The following SNX6 variants were observed in gnomAD, a reference collection of about 807,000 sequenced individuals.
SNX6 encodes sorting nexin 6.
SNX6 carries 34 observed loss-of-function variants against 63.0 expected under a neutral mutation model. That is an observed-to-expected ratio of 0.54 (90% CI 0.41 to 0.72). The LOEUF (loss-of-function observed/expected upper bound fraction) is 0.72, where lower values mean the gene tolerates loss of function less well. SNX6 is among the 30% of genes least tolerant of loss of function. The pLI is 0.00. For synonymous variants in SNX6, 170 were observed against 164.2 expected (o/e 1.04, Z -0.27); for missense variants, 398 against 471.4 (o/e 0.84, Z 1.44).
Position 34,567,987 on chromosome 14 carries a change from T to G in SNX6, c.948A>C (p.Ser316=). 6.2e-7 allele frequency: 1 copy of G among 1,611,980 alleles called. No individual in the cohort carries two copies. Among genetic ancestry groups the G allele is most frequent in the Non-Finnish European group, 8.5e-7 (1 of 1,179,914 alleles). The change falls in exon 12 of 14, where the codon TCA becomes TCC. Residue 316 remains serine (S), a synonymous_variant. Transcript: ENST00000362031. ...TATTAGCATTTTCATAATCCACTAG[T>G]GACCTAGACCTTCGATACAGGAGAT... ...AKDLLYRRSR[S]LVDYENANKA...
intron 2 of SNX6, chr14:34,629,433 T>G (rs781731833): frequency 8.5e-5 from 39 of 457,466 alleles, no homozygotes; most frequent in South Asian, 5.4e-4. Context: ...TAAAAATCCT[T>G]GCAAAATGGT....
rs936906980 is a variant in SNX6, at chr14:34,602,333, G to C, written c.516+1015C>G. On this transcript the variant is annotated intron_variant, in intron 6 of 13. Coordinates refer to ENST00000362031, the MANE Select transcript of SNX6 (RefSeq NM_152233.4). ...CCCAGCTACTTGAGAGTCTGAGGCA[G>C]AAGAATTGCTTGAACCAAGGAGGCA... 9.2e-5 allele frequency among the ~76,000 whole-genome samples: 14 copies of C among 151,866 alleles called. 1 individual carries two copies. The highest frequency in any genetic ancestry group is 2.9e-4 in the African/African-American group (12 of 41,412).
At chr14:34,608,000 A>G (rs1883086033) in intron 4 of SNX6, 30 bp downstream of exon 4, 8 of 1,166,704 alleles carry the variant, frequency 6.9e-6, no homozygotes, top group Non-Finnish European at 9.9e-6. Context: ...CTCCTAGAAA[A>G]TGGAATTAAA....
At chr14:34,590,920 C>A (rs1261325623) in intron 8 of SNX6, among the ~76,000 whole-genome samples, 2 of 152,168 alleles carry the variant, frequency 1.3e-5, no homozygotes, top group African/African-American at 2.4e-5. Flanking sequence ...ATATACACAA[C>A]AACTTGGATG....
chr14:34,599,479 C>T (rs542336665), intron 6 of SNX6, among the ~76,000 whole-genome samples: 14 of 152,042 alleles, frequency 9.2e-5, no homozygotes, highest in South Asian at 2.1e-4. Flanking sequence ...TCGTGGCATC[C>T]GCCTATAATC....
At chr14:34,611,975 T>A (rs1055215755) in intron 2 of SNX6, among the ~76,000 whole-genome samples, 1 of 151,972 alleles carries the variant, frequency 6.6e-6, no homozygotes, top group Non-Finnish European at 1.5e-5. Context: ...AGAGAGGAGT[T>A]TCACCGTGTT....
chr14:34,624,739 T>C (rs1883760263), intron 2 of SNX6, among the ~76,000 whole-genome samples: 2 of 151,298 alleles, frequency 1.3e-5, no homozygotes, highest in Non-Finnish European at 2.9e-5. Context: ...GAGGTTGCAG[T>C]GAGTCAAGGT....
chr14:34,581,674 C>T, intron 9 of SNX6, 74 bp from the exon 10 acceptor site: 2 of 879,756 alleles, frequency 2.3e-6, no homozygotes, highest in East Asian at 2.5e-5. Flanking sequence ...AGAATATGCT[C>T]CCAAACCATA....
Position 34,608,144 on chromosome 14 carries a change from T to A in SNX6, c.160-4A>T. On this transcript the variant is annotated splice_region_variant and splice_polypyrimidine_tract_variant and intron_variant, in intron 3 of 13. Transcript: ENST00000362031. ...GTTTAAAATTTGGCAATGAACTCTG[T>A]AAAGATAGAGATTTTCTTGAATAAA... The A allele has an allele frequency of 6.6e-7, 1 of 1,513,932 alleles. No homozygotes were observed. The highest frequency in any genetic ancestry group is 9.1e-7 in the Non-Finnish European group (1 of 1,104,846). 93.8% of individuals were successfully genotyped at this position (1,513,932 alleles called of 1,614,324 possible). A position where few individuals can be genotyped will look rare whatever the true frequency, so the allele number is the denominator to read the frequency against.
chr14:34,566,668 C>T (rs549731740), intron 13 of SNX6, among the ~76,000 whole-genome samples: 6 of 152,272 alleles, frequency 3.9e-5, no homozygotes, highest in Middle Eastern at 6.8e-3. Context: ...TCTTTAAAAT[C>T]CCTCTCAATT....
At chr14:34,603,292 AAAAAG>A in intron 6 of SNX6, 51 bp downstream of exon 6, 1 of 1,540,440 alleles carries the variant, frequency 6.5e-7, no homozygotes, top group Non-Finnish European at 8.8e-7. Context: ...TCTCAAAAAA[AAAAAG>A]AAGAAGAAGA....
At chr14:34,592,615 G>A (rs977688950) in intron 8 of SNX6, among the ~76,000 whole-genome samples, 8 of 152,130 alleles carry the variant, frequency 5.3e-5, no homozygotes, top group Non-Finnish European at 1.2e-4. Flanking sequence ...ACTGAAGTAT[G>A]GTGGTACGAT....
intron 2 of SNX6, among the ~76,000 whole-genome samples, chr14:34,622,346 C>G (rs1156391974): frequency 6.6e-6 from 1 of 150,740 alleles, no homozygotes. Flanking sequence ...TTTGGGAGGC[C>G]GAGGTGGGTG....
intron 2 of SNX6, among the ~76,000 whole-genome samples, chr14:34,612,000 C>T (rs1314442481): frequency 3.3e-5 from 5 of 152,090 alleles, no homozygotes; most frequent in South Asian, 2.1e-4. Flanking sequence ...AGGATGGTCT[C>T]GATCTCCTGA....
intron 9 of SNX6, among the ~76,000 whole-genome samples, chr14:34,583,968 C>T (rs1165105723): frequency 1.3e-5 from 2 of 151,924 alleles, no homozygotes; most frequent in Admixed American, 6.6e-5. Flanking sequence ...CTGCCTCAGC[C>T]TCCTGAGTAG....
At chr14:34,585,568 G>A (rs1048374073) in intron 9 of SNX6, among the ~76,000 whole-genome samples, 1 of 152,066 alleles carries the variant, frequency 6.6e-6, no homozygotes, top group Non-Finnish European at 1.5e-5. Context: ...CATCCAGGCT[G>A]CCAATAGAAA....
chr14:34,611,010 T>C (rs1345992680), intron 2 of SNX6, among the ~76,000 whole-genome samples: 1 of 152,142 alleles, frequency 6.6e-6, no homozygotes, highest in African/African-American at 2.4e-5. Flanking sequence ...TATATAATTC[T>C]ATTTTTTGTT....
At chr14:34,602,088 G>A (rs1882837994) in intron 6 of SNX6, among the ~76,000 whole-genome samples, 1 of 150,994 alleles carries the variant, frequency 6.6e-6, no homozygotes, top group Non-Finnish European at 1.5e-5. Context: ...TCAGGAGTTC[G>A]AGACCAGCCT....
At chr14:34,583,439 T>C (rs560092840) in intron 9 of SNX6, among the ~76,000 whole-genome samples, 24 of 147,276 alleles carry the variant, frequency 1.6e-4, no homozygotes, top group African/African-American at 5.5e-4. Flanking sequence ...ATTTTTTTCT[T>C]TTTTTTTTTT....
Sources: gnomAD v4.1 joint callset for allele counts (sites outside exome capture counted in the v4.1 genomes callset) on GRCh38, gnomAD v4.1.1 for gene constraint, MANE v1.5 for transcripts, NCBI Gene and HGNC (gene_info 2026-07-23, HGNC 2026-07-21) for gene names.